The following CCDC13 variants were observed in gnomAD, a reference collection of about 807,000 sequenced individuals.
CCDC13 encodes coiled-coil domain-containing protein 13.
CCDC13 carries 70 observed loss-of-function variants against 87.3 expected under a neutral mutation model. The ratio of observed to expected loss-of-function variants is 0.80; its 90% CI spans 0.66 to 0.98. CCDC13 has a LOEUF of 0.98. Among genes scored for constraint, CCDC13 ranks in the 50% least tolerant of loss-of-function variants. CCDC13 has a pLI of 0.00. For missense variants in CCDC13, 842 were observed against 892.0 expected (o/e 0.94, Z 0.71); for synonymous variants, 317 against 360.3 (o/e 0.88, Z 1.36).
chr3:42,724,535 C>A (rs921729313), intron 13 of CCDC13, among the ~76,000 whole-genome samples: 2 of 152,228 alleles, frequency 1.3e-5, no homozygotes, highest in Non-Finnish European at 2.9e-5. Context: ...AATCTCTGGT[C>A]TCACTGATTT....
intron 3 of CCDC13, 46 bp from the exon 4 acceptor site, chr3:42,752,763 A>C: frequency 6.2e-7 from 1 of 1,605,880 alleles, no homozygotes; most frequent in South Asian, 1.1e-5. Flanking sequence ...ACAGGCATAC[A>C]CATCAAACTC....
At chr3:42,771,566 GC>G (rs1184521333) in intron 1 of CCDC13, among the ~76,000 whole-genome samples, 2 of 152,100 alleles carry the variant, frequency 1.3e-5, no homozygotes, top group Non-Finnish European at 2.9e-5. Context: ...ACCAGCTTGG[GC>G]AACATAGCAA....
intron 1 of CCDC13, among the ~76,000 whole-genome samples, chr3:42,767,204 A>G (rs910115146): frequency 1.3e-5 from 2 of 152,150 alleles, no homozygotes; most frequent in African/African-American, 2.4e-5. Context: ...CCTGGAACTT[A>G]TAAGTGATTG....
intron 1 of CCDC13, among the ~76,000 whole-genome samples, chr3:42,772,649 GTAGGGATGGGT>G (rs1700157199): frequency 6.6e-6 from 1 of 152,186 alleles, no homozygotes; most frequent in African/African-American, 2.4e-5. Flanking sequence ...TAGCATCTTC[GTAGGGATGGGT>G]TTGGGATGGG....
intron 13 of CCDC13, among the ~76,000 whole-genome samples, chr3:42,728,850 C>T (rs779611073): frequency 2.0e-5 from 3 of 152,206 alleles, no homozygotes; most frequent in Non-Finnish European, 4.4e-5. Flanking sequence ...CCAGCATATT[C>T]GCAGACAGAG....
rs1226776951 is a variant in CCDC13, at chr3:42,708,029, C to A, written c.*951G>T. Among the ~76,000 whole-genome samples, 1 of 152,144 alleles carries A rather than the reference C, an allele frequency of 6.6e-6. No individual in the cohort carries two copies. The highest frequency in any genetic ancestry group is 1.5e-5 in the Non-Finnish European group (1 of 68,020). On this transcript the variant is annotated 3_prime_UTR_variant, in exon 16 of 16. Coordinates refer to ENST00000310232, the MANE Select transcript of CCDC13 (RefSeq NM_144719.4). Reference sequence around the variant, plus strand: ...CCATGGCGAGGGAGGTGCACTGTACCTTTGACTGGAGCCACTACCTCAAAA... The same window carrying A: ...CCATGGCGAGGGAGGTGCACTGTACATTTGACTGGAGCCACTACCTCAAAA...
intron 14 of CCDC13, among the ~76,000 whole-genome samples, chr3:42,710,125 T>C (rs1164751425): frequency 6.6e-6 from 1 of 151,148 alleles, no homozygotes; most frequent in Non-Finnish European, 1.5e-5. Flanking sequence ...TTTTTTTTTT[T>C]TTGAGACAGA....
At chr3:42,726,130 C>T (rs1314420381) in intron 13 of CCDC13, among the ~76,000 whole-genome samples, 7 of 152,088 alleles carry the variant, frequency 4.6e-5, no homozygotes, top group African/African-American at 1.7e-4. Context: ...CTGCAACCTC[C>T]GCCTCCCAGG....
intron 1 of CCDC13, among the ~76,000 whole-genome samples, chr3:42,762,339 C>A (rs1699850362): frequency 6.6e-6 from 1 of 152,224 alleles, no homozygotes; most frequent in African/African-American, 2.4e-5. Context: ...GGCCTTTGAC[C>A]CGCTCCTAAG....
At position 42,739,732 on chromosome 3, in the gene CCDC13, T is replaced by C; in HGVS notation, c.1066A>G (p.Asn356Asp). Residue 356 changes from asparagine to aspartate, a missense_variant, in exon 9 of 16, where the codon AAC becomes GAC. Physicochemically the swap from Asn to Asp is conservative, Grantham distance 23. Transcript: ENST00000310232. Reference sequence around the variant, plus strand: ...TTCATCTCACTTGACAGCAGCTTGTTCCGAGACCTCATGCCCTCGAACTTC... The same window carrying C: ...TTCATCTCACTTGACAGCAGCTTGTCCCGAGACCTCATGCCCTCGAACTTC... ...KKKFEGMRSR[N>D]KLLSSEMKTL... is the part of the protein sequence containing the mutation. 2.5e-6 allele frequency: 4 copies of C among 1,614,236 alleles called. No individual in the cohort carries two copies. Among genetic ancestry groups the C allele is most frequent in the Non-Finnish European group, 3.4e-6 (4 of 1,180,030 alleles).
chr3:42,767,800 C>T (rs1207120725), intron 1 of CCDC13, among the ~76,000 whole-genome samples: 3 of 152,028 alleles, frequency 2.0e-5, no homozygotes, highest in Non-Finnish European at 4.4e-5. Context: ...TGTGGTAAAA[C>T]CCCGTCTCTA....
At chr3:42,705,429 C>T (rs563733169), downstream of CCDC13, among the ~76,000 whole-genome samples, 8 of 152,308 alleles carry the variant, frequency 5.3e-5, no homozygotes, top group South Asian at 8.3e-4. Flanking sequence ...CCTGTGGGGA[C>T]AGTGGCCAAA....
chr3:42,727,386 A>AAAAT (rs924772865), intron 13 of CCDC13, among the ~76,000 whole-genome samples: 67 of 152,158 alleles, frequency 4.4e-4, no homozygotes, highest in African/African-American at 1.1e-3. Context: ...AAAGAAAAGA[A>AAAAT]AAATAAATAA....
At chr3:42,726,727 TA>T (rs34140766) in intron 13 of CCDC13, among the ~76,000 whole-genome samples, 2 of 151,734 alleles carry the variant, frequency 1.3e-5, no homozygotes, top group South Asian at 4.2e-4. Flanking sequence ...CATGTATATA[TA>T]AAATATATAT....
At chr3:42,733,019 C>T (rs1698885459) in intron 11 of CCDC13, 49 bp from the exon 12 acceptor site, 3 of 1,472,620 alleles carry the variant, frequency 2.0e-6, no homozygotes, top group Admixed American at 2.0e-5. Flanking sequence ...CAGACCAGGC[C>T]CTACTGGGCC....
chr3:42,745,899 G>A (rs753142402), intron 7 of CCDC13, 24 bp downstream of exon 7: 12 of 1,572,376 alleles, frequency 7.6e-6, no homozygotes, highest in Non-Finnish European at 5.3e-6. Context: ...GTTCAGGCCA[G>A]GAGAAGTCTG....
In CCDC13 at chr3:42,743,744, G is replaced by C. The variant is rs1010069251; in HGVS notation, c.826-687C>G. On this transcript the variant is annotated intron_variant, in intron 7 of 15. Coordinates refer to ENST00000310232, the MANE Select transcript of CCDC13 (RefSeq NM_144719.4). The stretch of plus-strand genomic sequence containing the variant: ...TGAACTTGAACTCCTGGGCTCGAGA[G>C]ATCTGCCCACCTCAGCCTCCCAAAG... 4.6e-5 allele frequency among the ~76,000 whole-genome samples: 7 copies of C among 151,632 alleles called. No homozygotes were observed. In the East Asian group the frequency reaches 1.2e-3, roughly 25 times the overall value.
chr3:42,758,115 T>G lies in CCDC13; in HGVS notation c.221+10A>C. On this transcript the variant is annotated intron_variant, in intron 2 of 15. Coordinates refer to ENST00000310232, the MANE Select transcript of CCDC13 (RefSeq NM_144719.4). The stretch of plus-strand genomic sequence containing the variant: ...CACACACCCCTGAGAGATTTCAAAC[T>G]TGCATTTACCTCTTCTCAAAGCTAT... 1 of 1,607,888 alleles carries G rather than the reference T, an allele frequency of 6.2e-7. No individual in the cohort carries two copies. Among genetic ancestry groups the G allele is most frequent in the Non-Finnish European group, 8.5e-7 (1 of 1,175,798 alleles).
chr3:42,735,558 T>C (rs1025369696), intron 10 of CCDC13, 149 bp downstream of exon 10: 4 of 757,792 alleles, frequency 5.3e-6, no homozygotes, highest in African/African-American at 1.7e-5. Flanking sequence ...GCAGAATGGG[T>C]TGGGGAGCCA....
Sources: gnomAD v4.1 joint callset for allele counts (sites outside exome capture counted in the v4.1 genomes callset) on GRCh38, gnomAD v4.1.1 for gene constraint, MANE v1.5 for transcripts, NCBI Gene and HGNC (gene_info 2026-07-23, HGNC 2026-07-21) for gene names.